The following FAM161B variants were observed in gnomAD, a reference collection of about 807,000 sequenced individuals.
FAM161B encodes the protein protein FAM161B.
A neutral mutation model predicts 61.5 loss-of-function variants in FAM161B; 46 were observed. The ratio of observed to expected loss-of-function variants is 0.75; its 90% CI spans 0.59 to 0.96. FAM161B has a LOEUF of 0.96. Among genes scored for constraint, FAM161B ranks in the 40% least tolerant of loss-of-function variants. The pLI is 0.00. For missense variants in FAM161B, 774 were observed against 800.7 expected (o/e 0.97, Z 0.40); for synonymous variants, 284 against 302.7 (o/e 0.94, Z 0.64).
Position 73,943,688 on chromosome 14 carries a change from C to T in FAM161B, c.925+647G>A, listed in dbSNP as rs75531118. On this transcript the variant is annotated intron_variant, in intron 3 of 8. Coordinates refer to ENST00000286544, the MANE Select transcript of FAM161B (RefSeq NM_152445.3). ...ACTGCTCCCTTGCTTCACCAATCCCCGGGTTAGGTCCCTTTGATATATGCT... is the reference window on the plus strand; with the variant it reads ...ACTGCTCCCTTGCTTCACCAATCCCTGGGTTAGGTCCCTTTGATATATGCT... Among the ~76,000 whole-genome samples the T allele has an allele frequency of 9.0e-3, 1,371 of 152,304 alleles. 12 individuals carry two copies. The highest frequency in any genetic ancestry group is 0.031 in the African/African-American group (1,306 of 41,556).
chr14:73,934,355 C>G lies in FAM161B; in HGVS notation c.1845G>C (p.Glu615Asp). The G allele has an allele frequency of 6.2e-7, 1 of 1,613,800 alleles. No homozygotes were observed. Among genetic ancestry groups the G allele is most frequent in the South Asian group, 1.1e-5 (1 of 91,030 alleles). The part of the protein sequence containing the change: ...ETTKLSIRDP[E>D]QGLEGSLEQP... ...GTTCTAGAGATCCTTCTAAACCCTGCTCTGGATCTCTGATGCTGAGTTTTG... is the reference window on the plus strand; with the variant it reads ...GTTCTAGAGATCCTTCTAAACCCTGGTCTGGATCTCTGATGCTGAGTTTTG... The change falls in exon 9 of 9, where the codon GAG becomes GAC. Residue 615 changes from glutamate (E) to aspartate (D), a missense_variant. Coordinates refer to ENST00000286544, the MANE Select transcript of FAM161B (RefSeq NM_152445.3).
In FAM161B at chr14:73,944,443, G is replaced by A. The variant is rs753597450; in HGVS notation, c.817C>T (p.Arg273Ter). ...EKEEQLKEAARQRDLAATAEA... is the reference protein window; with the variant it reads ...EKEEQLKEAA ...GCTGTGGCTGCCAAGTCTCTCTGTC[G>A]AGCAGCTTCCTTTAGCTGCTCCTCC... is the stretch of plus-strand genomic sequence containing the variant. Residue 273 changes from arginine to a stop codon, truncating the protein, a stop_gained, in exon 3 of 9, where the codon CGA (arginine) becomes TGA (stop). Coordinates refer to ENST00000286544, the MANE Select transcript of FAM161B (RefSeq NM_152445.3). LOFTEE classifies it high-confidence loss of function. 1.3e-5 allele frequency: 21 copies of A among 1,613,484 alleles called. No homozygotes were observed. Among genetic ancestry groups the A allele is most frequent in the South Asian group, 7.7e-5 (7 of 91,058 alleles).
Position 73,932,584 on chromosome 14 carries a change from A to G in FAM161B, c.*1672T>C. 1 of 408,414 alleles carries G rather than the reference A, an allele frequency of 2.4e-6. No homozygotes were observed. The allele number at this position is 408,414 out of a possible 1,614,324, so 25.3% of individuals were successfully genotyped here. A position where few individuals can be genotyped will look rare whatever the true frequency, so the allele number is the denominator to read the frequency against. ...TTTAGTTAGAGCAGGCACTCTTGCTATCAGTCATCCTGTCTCCACAGCTAC... is the reference window on the plus strand; with the variant it reads ...TTTAGTTAGAGCAGGCACTCTTGCTGTCAGTCATCCTGTCTCCACAGCTAC... On this transcript the variant is annotated 3_prime_UTR_variant, in exon 9 of 9. Transcript: ENST00000286544.
At chr14:73,938,196 C>T in intron 5 of FAM161B, 84 bp from the exon 6 acceptor site, 8 of 1,509,190 alleles carry the variant, frequency 5.3e-6, no homozygotes, top group Non-Finnish European at 7.2e-6. Flanking sequence ...TGGTGGCTCA[C>T]ACTTGTAGTC....
intron 1 of FAM161B, among the ~76,000 whole-genome samples, chr14:73,948,117 T>G (rs2056082497): frequency 6.6e-6 from 1 of 152,082 alleles, no homozygotes; most frequent in Admixed American, 6.6e-5. Flanking sequence ...ACAGATGGGG[T>G]TTCACCATGC....
chr14:73,930,676 C>T (rs1180309726), downstream of FAM161B, among the ~76,000 whole-genome samples: 1 of 152,118 alleles, frequency 6.6e-6, no homozygotes, highest in Non-Finnish European at 1.5e-5. Context: ...GATCATAGCT[C>T]ACTGCACCCT....
At chr14:73,934,758 A>G (rs960179849) in intron 8 of FAM161B, among the ~76,000 whole-genome samples, 1 of 152,158 alleles carries the variant, frequency 6.6e-6, no homozygotes, top group Non-Finnish European at 1.5e-5. Context: ...GAAAAAAGAA[A>G]GTCTTAAAGC....
the FAM161B span, among the ~76,000 whole-genome samples, chr14:73,925,162 T>C: frequency 1.3e-5 from 2 of 152,004 alleles, no homozygotes; most frequent in African/African-American, 4.8e-5. Context: ...TGACCCATTG[T>C]CTTTGCTTAT....
chr14:73,940,071 C>T lies in FAM161B; in HGVS notation c.1400+855G>A, dbSNP rs116086082. ...CTACAATCCCTGCTGTGGGGCTTAACGATCCAAGTAGGTTCTGAGTACTCC... is the reference window on the plus strand; with the variant it reads ...CTACAATCCCTGCTGTGGGGCTTAATGATCCAAGTAGGTTCTGAGTACTCC... On this transcript the variant is annotated intron_variant, in intron 5 of 8. Coordinates refer to ENST00000286544, the MANE Select transcript of FAM161B (RefSeq NM_152445.3). Among the ~76,000 whole-genome samples the T allele has an allele frequency of 8.5e-3, 1,299 of 152,260 alleles. 10 individuals carry two copies. The highest frequency in any genetic ancestry group is 0.03 in the African/African-American group (1,236 of 41,538).
downstream of FAM161B, chr14:73,931,380 G>A: frequency 1.3e-6 from 1 of 776,522 alleles, no homozygotes; most frequent in Non-Finnish European, 2.1e-6. Context: ...TTTGGAAGTA[G>A]ATAGCCTTCA....
chr14:73,935,071 A>AAAGAG, intron 8 of FAM161B, among the ~76,000 whole-genome samples: 2 of 53,440 alleles, frequency 3.7e-5, no homozygotes, highest in Non-Finnish European at 5.4e-5. Context: ...CAAAAAAAAA[A>AAAGAG]GTCTCAACAT....
At chr14:73,947,385 C>CA (rs35497668) in intron 1 of FAM161B, among the ~76,000 whole-genome samples, 58,933 of 96,840 alleles carry the variant, frequency 0.61, 17,485 homozygotes, top group Non-Finnish European at 0.69. Context: ...TGCTCCGTCT[C>CA]AAAAAAAAAA....
chr14:73,946,330 G>A lies in FAM161B; in HGVS notation c.330C>T (p.Asp110=), dbSNP rs751110554. 2 of 1,614,138 alleles carry A rather than the reference G, an allele frequency of 1.2e-6. No homozygotes were observed. The highest frequency in any genetic ancestry group is 1.7e-6 in the Non-Finnish European group (2 of 1,180,020). The change falls in exon 2 of 9, where the codon GAC becomes GAT. Residue 110 remains aspartate (D), a synonymous_variant. Transcript: ENST00000286544. ...GGACCTGCACCATCCCCCTGTCCTT[G>A]TCTTGGAAGAAACTCTCCAGGTCCT... ...DEEDLESFFQ[D]KDRGMVQVQC... is the part of the protein sequence containing the mutation.
chr14:73,930,888 A>C (rs1009682687), downstream of FAM161B, among the ~76,000 whole-genome samples: 3 of 152,224 alleles, frequency 2.0e-5, no homozygotes, highest in Non-Finnish European at 4.4e-5. Context: ...GATGTGAGCC[A>C]CTGCACCCAG....
chr14:73,925,127 G>C, the FAM161B span, among the ~76,000 whole-genome samples: 1 of 125,400 alleles, frequency 8.0e-6, no homozygotes, highest in Non-Finnish European at 1.8e-5. Flanking sequence ...TAATGCTTTT[G>C]CCAGGACTTT....
chr14:73,947,786 GA>G (rs1201970335), intron 1 of FAM161B, among the ~76,000 whole-genome samples: 1 of 152,170 alleles, frequency 6.6e-6, no homozygotes, highest in Non-Finnish European at 1.5e-5. Context: ...GGACACTACG[GA>G]AAACCACAGG....
the FAM161B span, among the ~76,000 whole-genome samples, chr14:73,926,178 ACAAGATAC>A: frequency 6.6e-6 from 1 of 152,214 alleles, no homozygotes; most frequent in Admixed American, 6.5e-5. Flanking sequence ...TATGCCTCTA[ACAAGATAC>A]AATATTAAAA....
downstream of FAM161B, among the ~76,000 whole-genome samples, chr14:73,930,293 T>A (rs1321641780): frequency 6.6e-6 from 1 of 152,210 alleles, no homozygotes; most frequent in Non-Finnish European, 1.5e-5. Context: ...AGATTTTGTT[T>A]AAAAGTCTTT....
At chr14:73,940,601 A>G (rs935183289) in intron 5 of FAM161B, among the ~76,000 whole-genome samples, 5 of 151,718 alleles carry the variant, frequency 3.3e-5, no homozygotes, top group African/African-American at 1.2e-4. Context: ...ACCCCCCATC[A>G]TTGCACTACT....
Sources: gnomAD v4.1 joint callset for allele counts (sites outside exome capture counted in the v4.1 genomes callset) on GRCh38, gnomAD v4.1.1 for gene constraint, MANE v1.5 for transcripts, NCBI Gene and HGNC (gene_info 2026-07-23, HGNC 2026-07-21) for gene names.